The following ANKS1A variants were observed in gnomAD, a reference collection of about 807,000 sequenced individuals.
The protein encoded by ANKS1A is ankyrin repeat and sterile alpha motif domain containing 1A, also known as ankyrin repeat and SAM domain-containing protein 1A.
A neutral mutation model predicts 120.3 loss-of-function variants in ANKS1A; 55 were observed. The ratio of observed to expected loss-of-function variants is 0.46; its 90% CI spans 0.37 to 0.57. The LOEUF is 0.57. Among genes scored for constraint, ANKS1A ranks in the 20% least tolerant of loss-of-function variants. ANKS1A has a pLI of 0.00. For synonymous variants in ANKS1A, 590 were observed against 604.7 expected (o/e 0.98, Z 0.36); for missense variants, 1,123 against 1,480.3 (o/e 0.76, Z 3.96).
chr6:34,937,551 AAGG>A (rs967790738), intron 1 of ANKS1A, among the ~76,000 whole-genome samples: 1 of 152,048 alleles, frequency 6.6e-6, no homozygotes. Flanking sequence ...GCGGCCTTTG[AAGG>A]AGGAGGAGAA....
intron 1 of ANKS1A, among the ~76,000 whole-genome samples, chr6:34,942,795 G>C (rs1047902623): frequency 6.6e-6 from 1 of 151,700 alleles, no homozygotes; most frequent in African/African-American, 2.4e-5. Flanking sequence ...TTTTTTTAGA[G>C]TTGTATTTGT....
intron 11 of ANKS1A, among the ~76,000 whole-genome samples, chr6:35,024,177 G>A (rs1312314673): frequency 1.3e-5 from 2 of 152,158 alleles, no homozygotes; most frequent in Admixed American, 6.5e-5. Flanking sequence ...TGTTCCTGCG[G>A]CAGAGTCTCC....
At chr6:35,023,182 C>G (rs1010316509) in intron 11 of ANKS1A, among the ~76,000 whole-genome samples, 1 of 152,130 alleles carries the variant, frequency 6.6e-6, no homozygotes, top group African/African-American at 2.4e-5. Flanking sequence ...TCCCTTTGAC[C>G]CTTCTGACCT....
chr6:34,965,194 T>C (rs777777073), intron 1 of ANKS1A, among the ~76,000 whole-genome samples: 1 of 152,214 alleles, frequency 6.6e-6, no homozygotes, highest in Non-Finnish European at 1.5e-5. Context: ...GAGCTATGAC[T>C]TTATAGTATT....
At chr6:35,076,113 C>G (rs1009745536) in intron 13 of ANKS1A, among the ~76,000 whole-genome samples, 12 of 152,112 alleles carry the variant, frequency 7.9e-5, no homozygotes, top group African/African-American at 2.4e-4. Context: ...CAGAAAAGAC[C>G]GACAACTTCA....
intron 11 of ANKS1A, among the ~76,000 whole-genome samples, chr6:35,032,706 C>T (rs1249050785): frequency 1.3e-5 from 2 of 152,140 alleles, no homozygotes; most frequent in Non-Finnish European, 2.9e-5. Context: ...AGCCCTTCTC[C>T]TTCACCTCAC....
intron 9 of ANKS1A, 83 bp downstream of exon 9, chr6:34,989,399 C>T: frequency 4.0e-6 from 5 of 1,241,234 alleles, no homozygotes; most frequent in Non-Finnish European, 5.8e-6. Flanking sequence ...AAAGACTTTG[C>T]TTTCTCATCT....
chr6:35,023,724 G>T, intron 11 of ANKS1A: 3 of 344,340 alleles, frequency 8.7e-6, no homozygotes, highest in South Asian at 8.4e-5. Context: ...GGAAGTTGGA[G>T]ACAAATTTCT....
intron 1 of ANKS1A, among the ~76,000 whole-genome samples, chr6:34,894,241 T>G (rs1315527333): frequency 1.3e-5 from 2 of 152,096 alleles, no homozygotes; most frequent in Non-Finnish European, 2.9e-5. Context: ...ATGTTTAGAG[T>G]TATAGTGAAA....
intron 10 of ANKS1A, among the ~76,000 whole-genome samples, chr6:35,001,091 G>T (rs954831506): frequency 1.3e-5 from 2 of 152,036 alleles, no homozygotes; most frequent in African/African-American, 4.8e-5. Flanking sequence ...ATGTCTACAA[G>T]GTTTTATTAA....
chr6:34,966,616 T>G (rs1770908021), intron 1 of ANKS1A, among the ~76,000 whole-genome samples: 1 of 152,218 alleles, frequency 6.6e-6, no homozygotes, highest in Non-Finnish European at 1.5e-5. Context: ...GTAAGGCCAA[T>G]GCAGAAACAG....
chr6:34,982,890 T>C lies in ANKS1A; in HGVS notation c.808+63T>C. On this transcript the variant is annotated intron_variant, in intron 5 of 23. Transcript: ENST00000360359. The surrounding 1 kb of genome is among the most constrained non-coding windows in gnomAD (Gnocchi z 4.9). ...CAGGGTTGGGATTGTTTCTCCCTAG[T>C]CCCCTAGGGGGATTTTTGCTGGCTG... 1 of 1,583,904 alleles carries C rather than the reference T, an allele frequency of 6.3e-7. No homozygotes were observed. Among genetic ancestry groups the C allele is most frequent in the Non-Finnish European group, 8.7e-7 (1 of 1,152,916 alleles).
chr6:34,968,717 C>G (rs755061223), intron 2 of ANKS1A, among the ~76,000 whole-genome samples: 1 of 152,028 alleles, frequency 6.6e-6, no homozygotes, highest in Admixed American at 6.5e-5. Context: ...GGATTACAGG[C>G]ATGAGCCACT....
At chr6:35,052,659 A>C (rs1776029469) in intron 11 of ANKS1A, among the ~76,000 whole-genome samples, 1 of 151,258 alleles carries the variant, frequency 6.6e-6, no homozygotes. Flanking sequence ...AATAAATGGA[A>C]GCTTTGGGAG....
At chr6:34,996,450 T>A (rs1490307715) in intron 10 of ANKS1A, among the ~76,000 whole-genome samples, 2 of 152,170 alleles carry the variant, frequency 1.3e-5, no homozygotes, top group Non-Finnish European at 2.9e-5. Flanking sequence ...TTATCCTGTT[T>A]TTAAAAAATG....
At chr6:35,042,407 G>C (rs1191854738) in intron 11 of ANKS1A, among the ~76,000 whole-genome samples, 1 of 152,174 alleles carries the variant, frequency 6.6e-6, no homozygotes, top group Non-Finnish European at 1.5e-5. Flanking sequence ...CCCTCCCTAA[G>C]AATCAGTTAA....
chr6:34,997,555 C>T (rs1426295523), intron 10 of ANKS1A, among the ~76,000 whole-genome samples: 1 of 152,152 alleles, frequency 6.6e-6, no homozygotes, highest in Non-Finnish European at 1.5e-5. Flanking sequence ...CTAATGCCCT[C>T]TCTAGTCATT....
chr6:34,925,373 G>C (rs1176736102), intron 1 of ANKS1A, among the ~76,000 whole-genome samples: 1 of 152,210 alleles, frequency 6.6e-6, no homozygotes, highest in Non-Finnish European at 1.5e-5. Flanking sequence ...GTGAGGGGAA[G>C]GAGAGTCTGG....
In ANKS1A at chr6:35,088,589, T is replaced by C. The variant is rs1201064748; in HGVS notation, c.3402-17T>C. ...TTGGTTAACCCTTTCCTCCCCCCATTGTTTGCTTCTGCCAAGCTGAGCCAC... is the reference window on the plus strand; with the variant it reads ...TTGGTTAACCCTTTCCTCCCCCCATCGTTTGCTTCTGCCAAGCTGAGCCAC... On this transcript the variant is annotated splice_polypyrimidine_tract_variant and intron_variant, in intron 23 of 23. Transcript: ENST00000360359. 1.9e-6 allele frequency: 3 copies of C among 1,614,126 alleles called. No individual in the cohort carries two copies. The highest frequency in any genetic ancestry group is 1.7e-5 in the Admixed American group (1 of 60,016).
Sources: allele counts gnomAD v4.1 joint callset (sites outside exome capture counted in the v4.1 genomes callset), GRCh38; gene constraint gnomAD v4.1.1; non-coding constraint Gnocchi (gnomAD v3.1); transcripts MANE v1.5; gene names NCBI Gene and HGNC (gene_info 2026-07-23, HGNC 2026-07-21).